Variants in RC3H2 observed in about 807,000 individuals in gnomAD.
RC3H2 encodes the protein roquin-2.
In RC3H2, 31 loss-of-function variants were observed where a neutral mutation model predicts 133.3. The ratio of observed to expected loss-of-function variants is 0.23; its 90% CI spans 0.17 to 0.31. RC3H2 has a LOEUF of 0.31. Among genes scored for constraint, RC3H2 ranks in the 10% least tolerant of loss-of-function variants. The probability of loss-of-function intolerance (pLI) is 1.00; values close to 1 mark genes in which losing one functional copy is unlikely to be tolerated. For missense variants in RC3H2, 1,175 were observed against 1,437.2 expected (o/e 0.82, Z 2.95); for synonymous variants, 517 against 502.2 (o/e 1.03, Z -0.40).
At chr9:122,896,367 A>C (rs1161620297) in intron 2 of RC3H2, among the ~76,000 whole-genome samples, 1 of 152,186 alleles carries the variant, frequency 6.6e-6, no homozygotes, top group Non-Finnish European at 1.5e-5. Flanking sequence ...ACAACAACAA[A>C]AAAACCTGTT....
Position 122,847,910 on chromosome 9 carries a change from C to T in RC3H2, c.*1717G>A, listed in dbSNP as rs1236590472. 1 of 152,102 alleles carries T rather than the reference C, an allele frequency of 6.6e-6. No homozygotes were observed. Among genetic ancestry groups the T allele is most frequent in the African/African-American group, 2.4e-5 (1 of 41,430 alleles). The allele number at this position is 152,102 out of a possible 1,614,324, so 9.4% of individuals were successfully genotyped here. ...ATATCAAAACTACCCCTTTGTTTCT[C>T]AGGTATATTTACAACTTATCAGTCA... On this transcript the variant is annotated 3_prime_UTR_variant, in exon 21 of 21. Coordinates refer to ENST00000357244, the MANE Select transcript of RC3H2 (RefSeq NM_001100588.3).
intron 9 of RC3H2, among the ~76,000 whole-genome samples, chr9:122,876,543 G>A (rs899069254): frequency 1.3e-5 from 2 of 151,630 alleles, no homozygotes; most frequent in Non-Finnish European, 2.9e-5. Flanking sequence ...CAGGAGTATC[G>A]TTTGAACAGG....
At chr9:122,877,430 C>T in intron 9 of RC3H2, 41 bp downstream of exon 9, 2 of 1,517,932 alleles carry the variant, frequency 1.3e-6, no homozygotes, top group South Asian at 2.3e-5. Context: ...CCATAAAAAT[C>T]AAAAATTAAA....
At position 122,847,477 on chromosome 9, in the gene RC3H2, A is replaced by G. The variant is rs1829894827; in HGVS notation, c.*2150T>C. 1 of 152,162 alleles carries G rather than the reference A, an allele frequency of 6.6e-6. No individual in the cohort carries two copies. The highest frequency in any genetic ancestry group is 1.5e-5 in the Non-Finnish European group (1 of 67,984). 9.4% of individuals were successfully genotyped at this position (152,162 alleles called of 1,614,324 possible). A position where few individuals can be genotyped will look rare whatever the true frequency, so the allele number is the denominator to read the frequency against. On this transcript the variant is annotated 3_prime_UTR_variant, in exon 21 of 21. Transcript: ENST00000357244. ...CTTCAACATGGAAGATCTCACTATT[A>G]AATATCCATGAAATAGACAGACTGG...
chr9:122,867,306 A>G, intron 9 of RC3H2, among the ~76,000 whole-genome samples: 4 of 95,422 alleles, frequency 4.2e-5, no homozygotes, highest in South Asian at 3.8e-4. Context: ...CCGCCCGGCC[A>G]GCCGCCCCGT....
intron 20 of RC3H2, among the ~76,000 whole-genome samples, chr9:122,850,598 A>T (rs1829985176): frequency 6.6e-6 from 1 of 151,764 alleles, no homozygotes. Context: ...GCCCGCCACT[A>T]TGCCCAGCTA....
intron 1 of RC3H2, among the ~76,000 whole-genome samples, chr9:122,900,230 G>A (rs1450612524): frequency 6.6e-6 from 1 of 151,996 alleles, no homozygotes; most frequent in Non-Finnish European, 1.5e-5. Flanking sequence ...ATACCTTTAA[G>A]ATATAAAGGT....
chr9:122,853,974 T>A lies in RC3H2; in HGVS notation c.3095A>T (p.Glu1032Val). Residue 1032 changes from glutamate (E) to valine (V), a missense_variant, in exon 18 of 21, where the codon GAA (glutamate) becomes GTA (valine). This residue lies in a region of RC3H2 where 220 missense variants were observed against 201.1 expected (regional missense o/e 1.09). Coordinates refer to ENST00000357244, the MANE Select transcript of RC3H2 (RefSeq NM_001100588.3). ...RHLTLNLLSK[E>V]IELRNGELQS... Reference sequence around the variant, plus strand: ...TACCTCTCCATTTCTTAGTTCAATTTCCTTGCTTAAAAGGTTTAAGGTAAG... The same window carrying A: ...TACCTCTCCATTTCTTAGTTCAATTACCTTGCTTAAAAGGTTTAAGGTAAG... 6.2e-7 allele frequency: 1 copy of A among 1,614,228 alleles called. No individual in the cohort carries two copies. Among genetic ancestry groups the A allele is most frequent in the South Asian group, 1.1e-5 (1 of 91,088 alleles).
chr9:122,880,180 C>G, intron 6 of RC3H2, 55 bp from the exon 7 acceptor site: 2 of 1,549,374 alleles, frequency 1.3e-6, no homozygotes, highest in Non-Finnish European at 1.8e-6. Context: ...CACATTTATA[C>G]TCAAATACTT....
chr9:122,905,320 CT>C lies in RC3H2; in HGVS notation c.-279del. On this transcript the variant is annotated 5_prime_UTR_variant, in exon 1 of 21. Transcript: ENST00000357244. ...CTCCTCCCTCCACCTCCGCCTCCTC[CT>C]CCTCCTCCTCCTCACCACGGAGGCG... 1.0e-6 allele frequency: 1 copy of C among 982,188 alleles called. No individual in the cohort carries two copies. The highest frequency in any genetic ancestry group is 1.2e-6 in the Non-Finnish European group (1 of 826,732). 60.8% of individuals were successfully genotyped at this position (982,188 alleles called of 1,614,324 possible).
rs1480997477 is a variant in RC3H2, at chr9:122,855,372, C to T, written c.2627G>A (p.Arg876Lys). The change falls in exon 15 of 21, where the codon AGA becomes AAA. Residue 876 changes from arginine to lysine, a missense_variant. Arg to Lys is a conservative substitution (Grantham distance 26). Transcript: ENST00000357244. ...CTGGGTTTCAAATAAATGTACTCTT[C>T]TCTTAACATCACCACTGTCCAGGTC... ...LMDLDSGDVK[R>K]RVHLFETQRR... The T allele has an allele frequency of 2.5e-6, 4 of 1,613,486 alleles. No homozygotes were observed. The highest frequency in any genetic ancestry group is 3.4e-6 in the Non-Finnish European group (4 of 1,179,980).
At chr9:122,900,024 T>C (rs1832595270) in intron 1 of RC3H2, among the ~76,000 whole-genome samples, 1 of 152,160 alleles carries the variant, frequency 6.6e-6, no homozygotes, top group Non-Finnish European at 1.5e-5. Context: ...AAAAATGCTA[T>C]CTTTCATATT....
Position 122,905,252 on chromosome 9 carries a change from A to C in RC3H2, c.-210T>G. On this transcript the variant is annotated 5_prime_UTR_variant, in exon 1 of 21. Coordinates refer to ENST00000357244, the MANE Select transcript of RC3H2 (RefSeq NM_001100588.3). ...TCAAACTCCATCGGGAGCTACAGGG[A>C]CAGCCCCGTTGGCGGCGGCGAAGGC... 1.0e-6 allele frequency: 1 copy of C among 985,660 alleles called. No homozygotes were observed. The allele number at this position is 985,660 out of a possible 1,614,324, so 61.1% of individuals were successfully genotyped here. A position where few individuals can be genotyped will look rare whatever the true frequency, so the allele number is the denominator to read the frequency against.
At chr9:122,851,270 T>A (rs1318841951) in intron 19 of RC3H2, 41 bp from the exon 20 acceptor site, 2 of 1,612,038 alleles carry the variant, frequency 1.2e-6, no homozygotes, top group East Asian at 4.5e-5. Flanking sequence ...TGAAAGTATT[T>A]TATAAATTTT....
At chr9:122,883,787 G>C (rs1831762574) in intron 4 of RC3H2, among the ~76,000 whole-genome samples, 1 of 152,018 alleles carries the variant, frequency 6.6e-6, no homozygotes, top group South Asian at 2.1e-4. Context: ...TTTGAGACCA[G>C]TTTGGGTAAT....
chr9:122,883,098 T>G, intron 5 of RC3H2, 106 bp downstream of exon 5: 1 of 1,050,350 alleles, frequency 9.5e-7, no homozygotes. Flanking sequence ...CTCTCAACTC[T>G]TGTAAGCATT....
chr9:122,880,320 A>G (rs182498186), intron 6 of RC3H2, 195 bp from the exon 7 acceptor site: 149 of 821,180 alleles, frequency 1.8e-4, no homozygotes, highest in Non-Finnish European at 2.5e-4. Flanking sequence ...TAGAAAACTT[A>G]TAAGCTGTAT....
At chr9:122,867,758 G>A (rs1377195813) in intron 9 of RC3H2, among the ~76,000 whole-genome samples, 24 of 98,746 alleles carry the variant, frequency 2.4e-4, no homozygotes, top group African/African-American at 9.7e-4. Flanking sequence ...CAGCCGCCCC[G>A]TCTGAGAAGG....
intron 10 of RC3H2, among the ~76,000 whole-genome samples, chr9:122,861,567 A>G (rs146134455): frequency 8.5e-4 from 129 of 151,756 alleles, no homozygotes; most frequent in African/African-American, 2.9e-3. Flanking sequence ...ATTTGTAGCT[A>G]TATTTATTTT....
Sources: allele counts gnomAD v4.1 joint callset (sites outside exome capture counted in the v4.1 genomes callset), GRCh38; gene constraint gnomAD v4.1.1; regional missense constraint gnomAD v4.1.1; transcripts MANE v1.5; gene names NCBI Gene and HGNC (gene_info 2026-07-23, HGNC 2026-07-21).